Variants in CYTH1 observed in about 807,000 individuals in gnomAD.
The protein encoded by CYTH1 is cytohesin 1, also known as cytohesin-1.
In CYTH1, 18 loss-of-function variants were observed where a neutral mutation model predicts 61.8. That is an observed-to-expected ratio of 0.29 (90% CI 0.20 to 0.43). The LOEUF is 0.43. CYTH1 is among the 20% of genes least tolerant of loss of function. The pLI, the probability that CYTH1 is intolerant of heterozygous loss-of-function variation, is 1.00. For missense variants in CYTH1, 336 were observed against 510.5 expected (o/e 0.66, Z 3.29); for synonymous variants, 174 against 184.3 (o/e 0.94, Z 0.45).
At chr17:78,724,693 C>T (rs1481730857) in intron 1 of CYTH1, among the ~76,000 whole-genome samples, 3 of 152,224 alleles carry the variant, frequency 2.0e-5, no homozygotes, top group Non-Finnish European at 4.4e-5. Context: ...CCTAAAAACA[C>T]TCCCATACCC....
At chr17:78,732,083 A>G (rs2144599780) in intron 1 of CYTH1, among the ~76,000 whole-genome samples, 1 of 152,000 alleles carries the variant, frequency 6.6e-6, no homozygotes. Context: ...TCCTGCTCCA[A>G]CTCTACCTCC....
chr17:78,721,221 T>C (rs917675891), intron 1 of CYTH1, among the ~76,000 whole-genome samples: 2 of 152,120 alleles, frequency 1.3e-5, no homozygotes, highest in African/African-American at 2.4e-5. Context: ...TCCCAGCTAC[T>C]TGGGAGGCTG....
intron 1 of CYTH1, among the ~76,000 whole-genome samples, chr17:78,723,020 C>T: frequency 6.6e-6 from 1 of 152,198 alleles, no homozygotes; most frequent in East Asian, 1.9e-4. Context: ...GCCTGGATAC[C>T]TATCCAAAAG....
In CYTH1 at chr17:78,774,593, T is replaced by C. The variant is rs149916279; in HGVS notation, c.22+7609A>G. Among the ~76,000 whole-genome samples the C allele has an allele frequency of 4.6e-3, 703 of 152,290 alleles. 7 individuals are homozygous for C. Among genetic ancestry groups the C allele is most frequent in the African/African-American group, 0.015 (641 of 41,560 alleles). On this transcript the variant is annotated intron_variant, in intron 1 of 13. Transcript: ENST00000446868. The stretch of plus-strand genomic sequence containing the variant: ...TGCCTCTGTAGGGCCCCAGGCACCA[T>C]GCCTATTCTGGAGACATGGTGATGA...
At chr17:78,773,124 T>A (rs977295578) in intron 1 of CYTH1, among the ~76,000 whole-genome samples, 1 of 150,814 alleles carries the variant, frequency 6.6e-6, no homozygotes, top group African/African-American at 2.4e-5. Context: ...TGAGCCACCA[T>A]GCCCAGCCTG....
intron 1 of CYTH1, among the ~76,000 whole-genome samples, chr17:78,750,703 A>G (rs1230907220): frequency 6.6e-6 from 1 of 151,632 alleles, no homozygotes; most frequent in Admixed American, 6.6e-5. Flanking sequence ...CTACAGCTAC[A>G]GGCAGGGAGT....
At chr17:78,765,046 T>C (rs1039462359) in intron 1 of CYTH1, among the ~76,000 whole-genome samples, 1 of 151,976 alleles carries the variant, frequency 6.6e-6, no homozygotes, top group Non-Finnish European at 1.5e-5. Context: ...CATGAGGTTA[T>C]TTGGAGGAAA....
intron 11 of CYTH1, among the ~76,000 whole-genome samples, chr17:78,681,769 C>T (rs905128789): frequency 5.3e-5 from 8 of 149,956 alleles, no homozygotes; most frequent in African/African-American, 1.5e-4. Flanking sequence ...ACCCAGGAGA[C>T]GGAGCCTGCA....
chr17:78,753,108 C>T (rs2093386802), intron 1 of CYTH1, among the ~76,000 whole-genome samples: 1 of 152,142 alleles, frequency 6.6e-6, no homozygotes, highest in Non-Finnish European at 1.5e-5. Context: ...TCACCAGGAA[C>T]ATGAGGACAA....
intron 10 of CYTH1, among the ~76,000 whole-genome samples, chr17:78,695,609 C>T (rs1034669130): frequency 1.4e-4 from 21 of 152,140 alleles, no homozygotes; most frequent in African/African-American, 5.1e-4. Flanking sequence ...TCCTTCTCTT[C>T]TTTCTCCTCT....
intron 1 of CYTH1, among the ~76,000 whole-genome samples, chr17:78,719,144 C>T (rs1191589539): frequency 6.6e-6 from 1 of 152,214 alleles, no homozygotes; most frequent in Non-Finnish European, 1.5e-5. Context: ...CGGGGACTGC[C>T]ACTCTACAGG....
chr17:78,782,091 G>C (rs1209865429), intron 1 of CYTH1, 111 bp downstream of exon 1: 8 of 983,308 alleles, frequency 8.1e-6, no homozygotes, highest in Non-Finnish European at 9.0e-6. Context: ...TCCGCGTCCC[G>C]CACCAGTGTC....
intron 11 of CYTH1, among the ~76,000 whole-genome samples, chr17:78,688,249 T>C (rs932887613): frequency 5.3e-5 from 8 of 152,202 alleles, no homozygotes; most frequent in Non-Finnish European, 1.0e-4. Context: ...TTCCCTGATA[T>C]GTAATAATTC....
Position 78,717,804 on chromosome 17 carries a change from C to T in CYTH1, c.23-8072G>A, listed in dbSNP as rs1204656584. Among the ~76,000 whole-genome samples, 1 of 152,136 alleles carries T rather than the reference C, an allele frequency of 6.6e-6. No individual in the cohort carries two copies. Among genetic ancestry groups the T allele is most frequent in the African/African-American group, 2.4e-5 (1 of 41,424 alleles). On this transcript the variant is annotated intron_variant, in intron 1 of 13. Coordinates refer to ENST00000446868, the MANE Select transcript of CYTH1 (RefSeq NM_004762.6). The surrounding 1 kb of genome is among the most constrained non-coding windows in gnomAD (Gnocchi z 4.4). Reference sequence around the variant, plus strand: ...CACTGTCCTAAATCCCCGTGGGTACCGTCAAATGAACGTGTCCAAGGCATG... The same window carrying T: ...CACTGTCCTAAATCCCCGTGGGTACTGTCAAATGAACGTGTCCAAGGCATG...
chr17:78,770,194 G>A (rs551657238), intron 1 of CYTH1, among the ~76,000 whole-genome samples: 1 of 151,104 alleles, frequency 6.6e-6, no homozygotes, highest in South Asian at 2.1e-4. Flanking sequence ...CATGGTGGCG[G>A]GTGTCTGTAA....
intron 1 of CYTH1, among the ~76,000 whole-genome samples, chr17:78,763,470 C>G (rs962253980): frequency 6.6e-5 from 10 of 152,034 alleles, no homozygotes; most frequent in African/African-American, 2.4e-4. Context: ...TTCCAAGACC[C>G]CCCACGGATG....
At chr17:78,777,491 G>A (rs983760230) in intron 1 of CYTH1, among the ~76,000 whole-genome samples, 7 of 152,122 alleles carry the variant, frequency 4.6e-5, no homozygotes, top group Non-Finnish European at 5.9e-5. Flanking sequence ...CACAGGTGTA[G>A]TCTGAACCAA....
intron 1 of CYTH1, among the ~76,000 whole-genome samples, chr17:78,769,698 T>A (rs957743318): frequency 2.0e-5 from 3 of 152,174 alleles, no homozygotes; most frequent in Non-Finnish European, 4.4e-5. Flanking sequence ...GTTGACTGAA[T>A]AAACCATTAC....
At position 78,759,749 on chromosome 17, in the gene CYTH1, T is replaced by C. The variant is rs572631456; in HGVS notation, c.22+22453A>G. Reference sequence around the variant, plus strand: ...CATTCAACACTCAGCCATCCCTTCCTACAATCATGGACGCACAAATTCTTG... The same window carrying C: ...CATTCAACACTCAGCCATCCCTTCCCACAATCATGGACGCACAAATTCTTG... On this transcript the variant is annotated intron_variant, in intron 1 of 13. Coordinates refer to ENST00000446868, the MANE Select transcript of CYTH1 (RefSeq NM_004762.6). Among the ~76,000 whole-genome samples the C allele has an allele frequency of 6.6e-5, 10 of 152,322 alleles. No homozygotes were observed. The East Asian group carries it at 1.9e-3, about 29-fold the overall frequency.
Sources: gnomAD v4.1 joint callset for allele counts (sites outside exome capture counted in the v4.1 genomes callset) on GRCh38, gnomAD v4.1.1 for gene constraint, Gnocchi (gnomAD v3.1) non-coding constraint, MANE v1.5 for transcripts, NCBI Gene and HGNC (gene_info 2026-07-23, HGNC 2026-07-21) for gene names.